Variants in PPA2 observed in about 807,000 individuals in gnomAD.
PPA2 encodes the protein inorganic pyrophosphatase 2.
PPA2 carries 48 observed loss-of-function variants against 49.5 expected under a neutral mutation model. That is an observed-to-expected ratio of 0.97 (90% CI 0.77 to 1.23). The LOEUF is 1.23. Among genes scored for constraint, PPA2 ranks in the 50% most tolerant of loss-of-function variants. The pLI is 0.00. For synonymous variants in PPA2, 131 were observed against 139.9 expected (o/e 0.94, Z 0.45); for missense variants, 429 against 410.1 (o/e 1.05, Z -0.40).
chr4:105,450,598 A>ATTTTTTT (rs1560637285), intron 3 of PPA2, among the ~76,000 whole-genome samples: 46 of 63,264 alleles, frequency 7.3e-4, no homozygotes, highest in Admixed American at 1.6e-3. Flanking sequence ...CTGGTCTGGA[A>ATTTTTTT]TTCTTTTTTT....
intron 1 of PPA2, among the ~76,000 whole-genome samples, chr4:105,469,867 G>C (rs60321631): frequency 6.6e-6 from 1 of 152,156 alleles, no homozygotes; most frequent in South Asian, 2.1e-4. Context: ...GATTATTCAC[G>C]GGAAGTTCTC....
intron 6 of PPA2, among the ~76,000 whole-genome samples, chr4:105,436,583 A>T (rs2866884): frequency 1.3e-5 from 2 of 152,162 alleles, no homozygotes; most frequent in Non-Finnish European, 2.9e-5. Flanking sequence ...ACATAGCTGT[A>T]GTACTGGTAT....
intron 7 of PPA2, among the ~76,000 whole-genome samples, chr4:105,412,264 A>AACAGAGGCCTC (rs1490981872): frequency 1.3e-5 from 2 of 152,232 alleles, no homozygotes; most frequent in Non-Finnish European, 2.9e-5. Flanking sequence ...AATGGAACAG[A>AACAGAGGCCTC]ACAGAGGCCT....
chr4:105,403,198 TG>T (rs371581669), intron 7 of PPA2, among the ~76,000 whole-genome samples: 9,807 of 151,632 alleles, frequency 0.065, 720 homozygotes, highest in African/African-American at 0.18. Flanking sequence ...TAATCTTTTT[TG>T]TTTGTTTGTT....
chr4:105,419,207 G>A (rs962629919), intron 7 of PPA2, among the ~76,000 whole-genome samples: 1 of 152,128 alleles, frequency 6.6e-6, no homozygotes, highest in Admixed American at 6.6e-5. Context: ...TGCACAATGT[G>A]CAGGTTGGTT....
chr4:105,396,319 C>G lies in PPA2; in HGVS notation c.799G>C (p.Val267Leu). The G allele has an allele frequency of 6.3e-7, 1 of 1,595,692 alleles. No individual in the cohort carries two copies. ...CAACATTGATGAGTGGATTTAATAA[C>G]TTCAAGAGCAAAAGCCTAGCTCCAA... ...EFKNKAFALE[V>L]IKSTHQCWKA... The change falls in exon 9 of 12, where the codon GTT (valine) becomes CTT (leucine). Residue 267 changes from valine to leucine, a missense_variant. By Grantham distance (32) the Val-to-Leu change is conservative. Transcript: ENST00000341695.
At chr4:105,405,729 C>T in intron 7 of PPA2, 2 of 761,172 alleles carry the variant, frequency 2.6e-6, no homozygotes, top group African/African-American at 1.8e-5. Flanking sequence ...AAAATAGATA[C>T]CTTATAAACA....
At chr4:105,424,463 C>A in intron 6 of PPA2, 141 bp from the exon 7 acceptor site, 1 of 772,578 alleles carries the variant, frequency 1.3e-6, no homozygotes. Flanking sequence ...TGAAAATAGC[C>A]AAAGTCTGCC....
At chr4:105,370,934 A>G (rs1732998696) in intron 10 of PPA2, 61 bp from the exon 11 acceptor site, 2 of 1,387,198 alleles carry the variant, frequency 1.4e-6, no homozygotes, top group South Asian at 3.0e-5. Flanking sequence ...TGGAAAGCGC[A>G]TCCAGAAGTT....
chr4:105,469,370 C>T (rs1723432230), intron 1 of PPA2, among the ~76,000 whole-genome samples: 1 of 152,176 alleles, frequency 6.6e-6, no homozygotes, highest in Non-Finnish European at 1.5e-5. Context: ...GATTCTTTCT[C>T]TCACAAGAGC....
chr4:105,370,355 A>T (rs1337392015), intron 11 of PPA2, among the ~76,000 whole-genome samples: 2 of 152,176 alleles, frequency 1.3e-5, no homozygotes, highest in South Asian at 2.1e-4. Flanking sequence ...GCACATGCTT[A>T]AATTCTGAAA....
Position 105,459,804 on chromosome 4 carries a change from G to A in PPA2, c.158-3059C>T, listed in dbSNP as rs575280440. 5.6e-4 allele frequency among the ~76,000 whole-genome samples: 85 copies of A among 152,282 alleles called. 1 individual carries two copies. The South Asian group carries it at 0.013, about 23-fold the overall frequency. On this transcript the variant is annotated intron_variant, in intron 1 of 11. Transcript: ENST00000341695. ...TGCATCTAAATACACTGTATCAAGCGAAAGAAGCTCAACTCAGTTCCATTT... is the reference window on the plus strand; with the variant it reads ...TGCATCTAAATACACTGTATCAAGCAAAAGAAGCTCAACTCAGTTCCATTT...
intron 9 of PPA2, 42 bp downstream of exon 9, chr4:105,396,207 A>T: frequency 7.8e-7 from 1 of 1,279,168 alleles, no homozygotes; most frequent in Non-Finnish European, 1.1e-6. Flanking sequence ...GTTTAATACC[A>T]ATTAATATAA....
chr4:105,396,198 T>C, intron 9 of PPA2, 51 bp downstream of exon 9: 1 of 1,196,752 alleles, frequency 8.4e-7, no homozygotes, highest in Non-Finnish European at 1.2e-6. Context: ...TATGTGGCTG[T>C]TTAATACCAA....
At chr4:105,470,969 G>T (rs1055522557) in intron 1 of PPA2, among the ~76,000 whole-genome samples, 8 of 152,192 alleles carry the variant, frequency 5.3e-5, no homozygotes, top group African/African-American at 1.9e-4. Context: ...ATGTCACTAA[G>T]ATGTTAACAA....
Position 105,429,527 on chromosome 4 carries a change from T to C in PPA2, c.529-5205A>G, listed in dbSNP as rs555589798. ...TTTTAATTAACAAATCAAAATCTCATCACATTATGTAAGTAAAAGCAATCC... is the reference window on the plus strand; with the variant it reads ...TTTTAATTAACAAATCAAAATCTCACCACATTATGTAAGTAAAAGCAATCC... On this transcript the variant is annotated intron_variant, in intron 6 of 11. Transcript: ENST00000341695. Among the ~76,000 whole-genome samples the C allele has an allele frequency of 1.2e-4, 18 of 152,332 alleles. No homozygotes were observed. In the South Asian group the frequency reaches 3.7e-3, roughly 32 times the overall value.
chr4:105,438,448 G>C (rs1724175070), intron 5 of PPA2, among the ~76,000 whole-genome samples: 1 of 152,100 alleles, frequency 6.6e-6, no homozygotes, highest in South Asian at 2.1e-4. Flanking sequence ...AACAGCACAT[G>C]GATCTAAATT....
intron 3 of PPA2, among the ~76,000 whole-genome samples, chr4:105,452,751 C>A (rs1722723905): frequency 1.3e-5 from 2 of 152,088 alleles, no homozygotes; most frequent in African/African-American, 2.4e-5. Context: ...GCATCAGAAT[C>A]AGAGGGATAA....
chr4:105,423,596 G>C (rs566534258), intron 7 of PPA2, among the ~76,000 whole-genome samples: 1 of 152,250 alleles, frequency 6.6e-6, no homozygotes, highest in African/African-American at 2.4e-5. Context: ...ACTCAGCCAG[G>C]AAGTAGCACA....
Sources: gnomAD v4.1 joint callset for allele counts (sites outside exome capture counted in the v4.1 genomes callset) on GRCh38, gnomAD v4.1.1 for gene constraint, MANE v1.5 for transcripts, NCBI Gene and HGNC (gene_info 2026-07-23, HGNC 2026-07-21) for gene names.